Variants in BRDT observed in about 807,000 individuals in gnomAD.
BRDT encodes bromodomain testis associated.
A neutral mutation model predicts 113.9 loss-of-function variants in BRDT; 77 were observed. That is an observed-to-expected ratio of 0.68 (90% confidence interval 0.56 to 0.82). The LOEUF (loss-of-function observed/expected upper bound fraction) is 0.82, where lower values mean the gene tolerates loss of function less well. BRDT is among the 40% of genes least tolerant of loss of function. The probability of loss-of-function intolerance (pLI) is 0.00; values close to 1 mark genes in which losing one functional copy is unlikely to be tolerated. For missense variants in BRDT, 1,027 were observed against 1,105.4 expected (o/e 0.93, Z 1.01); for synonymous variants, 358 against 366.5 (o/e 0.98, Z 0.26).
In BRDT at chr1:91,977,177, G is replaced by T; in HGVS notation, c.753G>T (p.Lys251Asn). The stretch of plus-strand genomic sequence containing the variant: ...CACCTATAAAAGAAAATATGCCAAA[G>T]AATGTTTTGCCAGATTCTCAGCAAC... Reference protein sequence around the residue: ...ALPPIKENMPKNVLPDSQQQY... With the variant: ...ALPPIKENMPNNVLPDSQQQY... The change falls in exon 6 of 19, where the codon AAG becomes AAT. Residue 251 changes from lysine (K) to asparagine (N), a missense_variant. Lys to Asn is a moderately conservative substitution (Grantham distance 94, BLOSUM62 0). Transcript: ENST00000399546. 1.2e-6 allele frequency: 2 copies of T among 1,614,020 alleles called. No homozygotes were observed. Among genetic ancestry groups the T allele is most frequent in the Non-Finnish European group, 1.7e-6 (2 of 1,179,980 alleles).
chr1:91,973,691 G>T (rs1683843091), intron 4 of BRDT, among the ~76,000 whole-genome samples: 1 of 152,004 alleles, frequency 6.6e-6, no homozygotes. Flanking sequence ...GAGATGATGG[G>T]GTTTTCTAGA....
intron 3 of BRDT, among the ~76,000 whole-genome samples, chr1:91,966,969 T>A (rs547286689): frequency 6.6e-6 from 1 of 152,056 alleles, no homozygotes; most frequent in Non-Finnish European, 1.5e-5. Context: ...CTCAGGAGGC[T>A]GAGGCAGGAG....
At chr1:91,978,137 T>C (rs966171092) in intron 6 of BRDT, 31 bp from the exon 7 acceptor site, 94 of 1,580,260 alleles carry the variant, frequency 5.9e-5, no homozygotes, top group Non-Finnish European at 8.0e-5. Flanking sequence ...ATTGAACTAT[T>C]TGTGAATCCT....
At chr1:91,978,086 G>T in intron 6 of BRDT, 82 bp from the exon 7 acceptor site, 1 of 1,282,474 alleles carries the variant, frequency 7.8e-7, no homozygotes, top group South Asian at 1.5e-5. Flanking sequence ...GAATTATTTT[G>T]TAATATGAAC....
chr1:91,977,296 AT>A lies in BRDT; in HGVS notation c.873del (p.Tyr291Ter). On this transcript the variant is annotated frameshift_variant, in exon 6 of 19. Transcript: ENST00000399546. LOFTEE classifies it high-confidence loss of function. ...KEMLAKKHFS[Y>X]AWPFYNPVDV... Reference sequence around the variant, plus strand: ...ATGCTTGCAAAGAAACATTTTTCATATGCATGGCCCTTTTATAATCCTGTTG... The same window carrying A: ...ATGCTTGCAAAGAAACATTTTTCATAGCATGGCCCTTTTATAATCCTGTTG... 1 of 1,614,106 alleles carries A rather than the reference AT, an allele frequency of 6.2e-7. No homozygotes were observed. The highest frequency in any genetic ancestry group is 8.5e-7 in the Non-Finnish European group (1 of 1,179,992).
chr1:91,983,546 G>A lies in BRDT; in HGVS notation c.2002+1791G>A, dbSNP rs1161256990. 3.3e-5 allele frequency among the ~76,000 whole-genome samples: 5 copies of A among 152,044 alleles called. No individual in the cohort carries two copies. The East Asian group carries it at 5.8e-4, about 18-fold the overall frequency. On this transcript the variant is annotated intron_variant, in intron 12 of 18. Transcript: ENST00000399546. Reference sequence around the variant, plus strand: ...TGGGATGCCAGGCATTAGCCACCACGCCTGGCCTAGAATTCAAATCTTAAA... The same window carrying A: ...TGGGATGCCAGGCATTAGCCACCACACCTGGCCTAGAATTCAAATCTTAAA...
chr1:91,954,987 C>G (rs12725353), intron 1 of BRDT, among the ~76,000 whole-genome samples: 76,268 of 151,800 alleles, frequency 0.5, 19,659 homozygotes, highest in East Asian at 0.57. Flanking sequence ...AGTGGACTTT[C>G]ACTTAGATGG....
At position 92,007,398 on chromosome 1, in the gene BRDT, C is replaced by T. The variant is rs144686976; in HGVS notation, c.2775+2099C>T. Among the ~76,000 whole-genome samples the T allele has an allele frequency of 2.0e-4, 31 of 152,272 alleles. No individual in the cohort carries two copies. In the East Asian group the frequency reaches 4.8e-3, roughly 24 times the overall value. ...TCCTCTCCGTCCTCCCAACCTCCAC[C>T]CTCAAGTAGACCCCAGTGTCTGCTG... is the stretch of plus-strand genomic sequence containing the variant. On this transcript the variant is annotated intron_variant, in intron 18 of 18. Transcript: ENST00000399546.
At chr1:91,981,540 A>T (rs1557837638) in intron 11 of BRDT, 78 bp from the exon 12 acceptor site, 4 of 1,580,840 alleles carry the variant, frequency 2.5e-6, no homozygotes, top group Non-Finnish European at 3.4e-6. Context: ...GACCATGCCC[A>T]GCCTAGGTGG....
In BRDT at chr1:91,986,940, T is replaced by G. The variant is rs939436958; in HGVS notation, c.2003-4244T>G. ...TTAAATTATTTTAGACTTTTATAAA[T>G]TCTTTTTTTTTTTTTTGGAGACAGA... On this transcript the variant is annotated intron_variant, in intron 12 of 18. Coordinates refer to ENST00000399546, the MANE Select transcript of BRDT (RefSeq NM_207189.4). 8.1e-3 allele frequency among the ~76,000 whole-genome samples: 121 copies of G among 14,982 alleles called. 2 individuals are homozygous for G. The highest frequency in any genetic ancestry group is 0.11 in the Middle Eastern group (2 of 18). The allele number at this position is 14,982 out of a possible 152,430, so 9.8% of individuals were successfully genotyped here.
intron 18 of BRDT, among the ~76,000 whole-genome samples, chr1:92,006,815 T>C (rs1202096635): frequency 6.6e-6 from 1 of 151,484 alleles, no homozygotes; most frequent in African/African-American, 2.4e-5. Flanking sequence ...GAGACAGAAT[T>C]TTGCTCTTGT....
intron 1 of BRDT, among the ~76,000 whole-genome samples, chr1:91,951,529 G>C (rs1273230466): frequency 6.6e-6 from 1 of 152,128 alleles, no homozygotes; most frequent in Non-Finnish European, 1.5e-5. Context: ...GGGCGCGGTG[G>C]CTCACGCCTG....
chr1:91,994,822 C>T (rs1254196238), intron 15 of BRDT, among the ~76,000 whole-genome samples: 1 of 135,572 alleles, frequency 7.4e-6, no homozygotes, highest in Non-Finnish European at 1.5e-5. Context: ...GAGCCGAGAT[C>T]CCGCCACTGC....
At chr1:91,956,784 G>GA (rs1258413808) in intron 1 of BRDT, among the ~76,000 whole-genome samples, 2 of 151,914 alleles carry the variant, frequency 1.3e-5, no homozygotes, top group African/African-American at 4.8e-5. Context: ...CCCCTTTCCT[G>GA]AAAAAATAAT....
At chr1:92,007,745 T>C (rs1406265152) in intron 18 of BRDT, among the ~76,000 whole-genome samples, 2 of 152,234 alleles carry the variant, frequency 1.3e-5, no homozygotes, top group Non-Finnish European at 2.9e-5. Context: ...GTAAGAGCTT[T>C]ACAACAGTTA....
At chr1:91,983,892 G>A (rs960991526) in intron 12 of BRDT, among the ~76,000 whole-genome samples, 1 of 151,936 alleles carries the variant, frequency 6.6e-6, no homozygotes, top group African/African-American at 2.4e-5. Flanking sequence ...ATGTTGTCCA[G>A]GCTGGTCTTG....
intron 13 of BRDT, 38 bp from the exon 14 acceptor site, chr1:91,992,226 A>AAT: frequency 9.1e-7 from 1 of 1,094,726 alleles, no homozygotes; most frequent in Admixed American, 2.9e-5. Context: ...GTTAAGAGAT[A>AAT]ATATGATTAA....
chr1:91,984,645 A>T lies in BRDT; in HGVS notation c.2002+2890A>T, dbSNP rs998987573. Among the ~76,000 whole-genome samples the T allele has an allele frequency of 1.9e-4, 29 of 151,870 alleles. No homozygotes were observed. The East Asian group carries it at 3.7e-3, about 19-fold the overall frequency. ...AAATATGAAAAAATAATTAAAAAAA[A>T]TTTTTTTTGAGACAGGGTCTGGCTC... On this transcript the variant is annotated intron_variant, in intron 12 of 18. Coordinates refer to ENST00000399546, the MANE Select transcript of BRDT (RefSeq NM_207189.4).
In BRDT at chr1:91,979,717, A is replaced by C. The variant is rs759152418; in HGVS notation, c.1247A>C (p.Glu416Ala). The change falls in exon 8 of 19, where the codon GAA (glutamate) becomes GCA (alanine). Residue 416 changes from glutamate (E) to alanine (A), a missense_variant. Coordinates refer to ENST00000399546, the MANE Select transcript of BRDT (RefSeq NM_207189.4). Reference sequence around the variant, plus strand: ...GAAGGGAACTCTTCTGATGATTCTGAAGATGAGCGAGTTAAGCGTCTTGCA... The same window carrying C: ...GAAGGGAACTCTTCTGATGATTCTGCAGATGAGCGAGTTAAGCGTCTTGCA... ...SSEGNSSDDS[E>A]DERVKRLAKL... The C allele has an allele frequency of 3.1e-6, 5 of 1,612,138 alleles. No individual in the cohort carries two copies. The East Asian group carries it at 8.9e-5, about 29-fold the overall frequency.
Sources: allele counts gnomAD v4.1 joint callset (sites outside exome capture counted in the v4.1 genomes callset), GRCh38; gene constraint gnomAD v4.1.1; transcripts MANE v1.5; gene names NCBI Gene and HGNC (gene_info 2026-07-23, HGNC 2026-07-21).